ARHGEF38: variants seen among roughly 807,000 people sequenced by gnomAD.
ARHGEF38 encodes the protein Rho guanine nucleotide exchange factor (GEF) 38.
In ARHGEF38, 79 loss-of-function variants were observed where a neutral mutation model predicts 79.9. The observed-to-expected ratio is 0.99, with a 90% confidence interval of 0.82 to 1.19. The LOEUF is 1.19. Ranked by LOEUF, ARHGEF38 falls within the 50% of genes most tolerant of loss-of-function variation. The pLI is 0.00. For missense variants in ARHGEF38, 962 were observed against 907.2 expected, an observed-to-expected ratio of 1.06 and a Z score of -0.78; for synonymous variants, 366 against 328.3, an observed-to-expected ratio of 1.11 and a Z score of -1.24.
At chr4:105,648,814 G>C in intron 7 of ARHGEF38, 132 bp downstream of exon 7, 15 of 785,344 alleles carry the variant, frequency 1.9e-5, no homozygotes, top group South Asian at 1.1e-4. Context: ...CTGTTCTCTT[G>C]TCTCCCTCTC....
intron 2 of ARHGEF38, among the ~76,000 whole-genome samples, chr4:105,605,486 T>C (rs561237733): frequency 2.6e-4 from 40 of 152,234 alleles, no homozygotes; most frequent in African/African-American, 9.4e-4. Context: ...TCTGTCCACA[T>C]TAGTATCTTC....
intron 10 of ARHGEF38, among the ~76,000 whole-genome samples, chr4:105,665,543 C>G (rs1730719023): frequency 1.3e-5 from 2 of 151,968 alleles, no homozygotes; most frequent in Admixed American, 6.6e-5. Flanking sequence ...CTCGAGTGAT[C>G]TTCTGGCCTC....
intron 9 of ARHGEF38, among the ~76,000 whole-genome samples, chr4:105,657,454 G>T (rs894434229): frequency 6.6e-6 from 1 of 152,074 alleles, no homozygotes; most frequent in African/African-American, 2.4e-5. Context: ...CTGTCTAAAG[G>T]CAGAGCAGTT....
intron 1 of ARHGEF38, among the ~76,000 whole-genome samples, chr4:105,555,032 A>G (rs2110384825): frequency 6.6e-6 from 1 of 152,250 alleles, no homozygotes. Flanking sequence ...GCTATTCACA[A>G]ATTTTTGCTT....
chr4:105,634,089 AT>A (rs1481709776), intron 4 of ARHGEF38, among the ~76,000 whole-genome samples: 2 of 152,034 alleles, frequency 1.3e-5, no homozygotes, highest in African/African-American at 4.8e-5. Flanking sequence ...AAAAGTACAG[AT>A]TCCTATGCTC....
chr4:105,670,224 G>C (rs1392694566), intron 13 of ARHGEF38, among the ~76,000 whole-genome samples: 1 of 152,116 alleles, frequency 6.6e-6, no homozygotes, highest in Admixed American at 6.5e-5. Flanking sequence ...TCCAAAGTGG[G>C]CGCACCATTT....
At chr4:105,574,732 T>C (rs536221689) in intron 1 of ARHGEF38, among the ~76,000 whole-genome samples, 1 of 152,254 alleles carries the variant, frequency 6.6e-6, no homozygotes, top group African/African-American at 2.4e-5. Context: ...AAAAAATTTT[T>C]TATTTCTATA....
intron 1 of ARHGEF38, among the ~76,000 whole-genome samples, chr4:105,578,702 G>C (rs986997051): frequency 6.6e-6 from 1 of 152,142 alleles, no homozygotes; most frequent in Admixed American, 6.5e-5. Flanking sequence ...TTTAAGGTCT[G>C]TGTGATCTAA....
chr4:105,589,553 G>A, intron 2 of ARHGEF38, 118 bp downstream of exon 2: 4 of 891,026 alleles, frequency 4.5e-6, no homozygotes, highest in Non-Finnish European at 6.6e-6. Context: ...CCCCAAAACA[G>A]CACTGTTCTC....
intron 5 of ARHGEF38, among the ~76,000 whole-genome samples, chr4:105,640,752 C>T (rs1450496911): frequency 6.6e-6 from 1 of 152,110 alleles, no homozygotes; most frequent in Non-Finnish European, 1.5e-5. Context: ...GATTTGCTAT[C>T]GAATTCTAAA....
chr4:105,668,210 C>G (rs1730825257), intron 13 of ARHGEF38, among the ~76,000 whole-genome samples: 1 of 151,448 alleles, frequency 6.6e-6, no homozygotes, highest in Non-Finnish European at 1.5e-5. Context: ...GAGATGGAGT[C>G]TCACTCTGTC....
chr4:105,561,401 A>AG (rs1725529838), intron 1 of ARHGEF38, among the ~76,000 whole-genome samples: 1 of 13,434 alleles, frequency 7.4e-5, no homozygotes, highest in Non-Finnish European at 1.6e-4. Flanking sequence ...AGAGTAGAAT[A>AG]ATAGAATAGA....
At chr4:105,624,701 A>G (rs926845346) in intron 3 of ARHGEF38, among the ~76,000 whole-genome samples, 1 of 152,236 alleles carries the variant, frequency 6.6e-6, no homozygotes, top group Admixed American at 6.5e-5. Context: ...AAAGGGAGAA[A>G]GTATTCAGAT....
intron 5 of ARHGEF38, among the ~76,000 whole-genome samples, chr4:105,644,420 C>G (rs1729752138): frequency 6.6e-6 from 1 of 152,168 alleles, no homozygotes; most frequent in African/African-American, 2.4e-5. Flanking sequence ...TGAGAGTGGG[C>G]TAGACAATGG....
chr4:105,587,268 A>G (rs564891344), intron 1 of ARHGEF38, among the ~76,000 whole-genome samples: 1 of 152,286 alleles, frequency 6.6e-6, no homozygotes, highest in Admixed American at 6.5e-5. Context: ...CAATTGCACC[A>G]CTGCATTCCA....
At chr4:105,589,207 C>A in intron 1 of ARHGEF38, 41 bp from the exon 2 acceptor site, 1 of 1,529,054 alleles carries the variant, frequency 6.5e-7, no homozygotes. Flanking sequence ...AAAAAGAAAC[C>A]TCAGCAGAAT....
chr4:105,670,506 A>G (rs557800934), intron 13 of ARHGEF38, among the ~76,000 whole-genome samples: 141 of 152,014 alleles, frequency 9.3e-4, no homozygotes, highest in Admixed American at 2.2e-3. Context: ...TTATTTTCCC[A>G]TTGTAAGAGT....
chr4:105,655,270 T>C (rs760842114), intron 8 of ARHGEF38, among the ~76,000 whole-genome samples: 3 of 152,192 alleles, frequency 2.0e-5, no homozygotes, highest in Non-Finnish European at 2.9e-5. Flanking sequence ...GGAAAACTGA[T>C]GAATTTAAAT....
chr4:105,554,602 A>G (rs1725168807), intron 1 of ARHGEF38, among the ~76,000 whole-genome samples: 1 of 152,188 alleles, frequency 6.6e-6, no homozygotes, highest in South Asian at 2.1e-4. Flanking sequence ...AAAATCATAC[A>G]CATTTAGTTT....
Sources: gnomAD v4.1 joint callset for allele counts (sites outside exome capture counted in the v4.1 genomes callset) on GRCh38, gnomAD v4.1.1 for gene constraint, MANE v1.5 for transcripts, NCBI Gene and HGNC (gene_info 2026-07-23, HGNC 2026-07-21) for gene names.